The following RALYL variants were observed in gnomAD, a reference collection of about 807,000 sequenced individuals.
RALYL encodes RALY RNA binding protein like, also known as RNA-binding Raly-like protein.
RALYL carries 29 observed loss-of-function variants against 35.1 expected under a neutral mutation model. The observed-to-expected ratio is 0.83, with a 90% CI of 0.61 to 1.13. The LOEUF is 1.13. Ranked by LOEUF, RALYL falls within the 50% of genes most tolerant of loss-of-function variation. The probability of loss-of-function intolerance (pLI) is 0.00; values close to 1 mark genes in which losing one functional copy is unlikely to be tolerated. For missense variants in RALYL, 359 were observed against 360.4 expected, an observed-to-expected ratio of 1.00 and a Z score of 0.03; for synonymous variants, 120 against 127.6, an observed-to-expected ratio of 0.94 and a Z score of 0.40.
At chr8:84,833,853 A>G (rs1831417899) in intron 4 of RALYL, among the ~76,000 whole-genome samples, 1 of 151,770 alleles carries the variant, frequency 6.6e-6, no homozygotes, top group African/African-American at 2.4e-5. Flanking sequence ...AGAATTTTGA[A>G]GACAATGAAA....
In RALYL at chr8:84,743,683, C is replaced by T. The variant is rs181325139; in HGVS notation, c.257-30896C>T. 2.6e-5 allele frequency among the ~76,000 whole-genome samples: 4 copies of T among 151,958 alleles called. No homozygotes were observed. The East Asian group carries it at 7.7e-4, about 29-fold the overall frequency. On this transcript the variant is annotated intron_variant, in intron 2 of 8. Coordinates refer to ENST00000521268, the MANE Select transcript of RALYL (RefSeq NM_173848.7). ...CTTAACATGCTACAACAAAAAGGCA[C>T]AAGACAATGTCTAGAAATTAATATG...
chr8:84,862,711 T>C (rs1838369854), intron 6 of RALYL, among the ~76,000 whole-genome samples: 1 of 152,232 alleles, frequency 6.6e-6, no homozygotes, highest in Non-Finnish European at 1.5e-5. Flanking sequence ...CAAATAACAC[T>C]GTGCTCTTGG....
At chr8:84,536,445 A>G (rs550309242) in intron 2 of RALYL, among the ~76,000 whole-genome samples, 8 of 152,336 alleles carry the variant, frequency 5.3e-5, no homozygotes, top group Admixed American at 1.3e-4. Context: ...CACTTTGGTA[A>G]GTATTATTCT....
chr8:84,775,513 C>G (rs891983526), intron 3 of RALYL, among the ~76,000 whole-genome samples: 4 of 152,148 alleles, frequency 2.6e-5, no homozygotes, highest in Admixed American at 2.6e-4. Context: ...ACATGTTTCT[C>G]TCATGACCAT....
chr8:84,540,907 AG>A (rs2059977243), intron 2 of RALYL, among the ~76,000 whole-genome samples: 1 of 152,056 alleles, frequency 6.6e-6, no homozygotes, highest in South Asian at 2.1e-4. Flanking sequence ...TTCAAAAAAA[AG>A]TGTACATTTG....
chr8:84,198,432 C>T (rs1307303045), intron 1 of RALYL, among the ~76,000 whole-genome samples: 1 of 152,054 alleles, frequency 6.6e-6, no homozygotes, highest in Non-Finnish European at 1.5e-5. Flanking sequence ...TGTTTTGATA[C>T]AGGCCGGCAA....
Position 84,202,466 on chromosome 8 carries a change from G to A in RALYL, c.-24+18042G>A, listed in dbSNP as rs112845380. ...TGGCTCACTGCAACCTCCGCCTCCC[G>A]GGTTCAAGCAATTCTCTGCCTCAGC... is the stretch of plus-strand genomic sequence containing the variant. On this transcript the variant is annotated intron_variant, in intron 1 of 8. Coordinates refer to ENST00000521268, the MANE Select transcript of RALYL (RefSeq NM_173848.7). 8.7e-5 allele frequency among the ~76,000 whole-genome samples: 13 copies of A among 148,900 alleles called. No individual in the cohort carries two copies. In the East Asian group the frequency reaches 1.4e-3, roughly 16 times the overall value.
chr8:84,759,400 C>A (rs184548965), intron 2 of RALYL, among the ~76,000 whole-genome samples: 8 of 152,232 alleles, frequency 5.3e-5, no homozygotes, highest in African/African-American at 1.9e-4. Flanking sequence ...CCAGTCCTTT[C>A]AGAATATTTA....
intron 8 of RALYL, among the ~76,000 whole-genome samples, chr8:84,891,443 G>A (rs951549542): frequency 6.6e-5 from 10 of 152,280 alleles, no homozygotes; most frequent in African/African-American, 1.9e-4. Flanking sequence ...GGAGCAATAT[G>A]TCTGAAAGAG....
At chr8:84,831,847 A>T (rs1400449998) in intron 4 of RALYL, among the ~76,000 whole-genome samples, 1 of 152,168 alleles carries the variant, frequency 6.6e-6, no homozygotes, top group African/African-American at 2.4e-5. Flanking sequence ...GGTGCAAATC[A>T]GTTCTTTTTT....
intron 2 of RALYL, among the ~76,000 whole-genome samples, chr8:84,686,050 C>T (rs182104694): frequency 6.6e-6 from 1 of 152,168 alleles, no homozygotes; most frequent in Non-Finnish European, 1.5e-5. Context: ...AGCTTGGACA[C>T]AGCTGGTGCA....
chr8:84,358,223 A>G (rs905516195), intron 1 of RALYL, among the ~76,000 whole-genome samples: 1 of 152,090 alleles, frequency 6.6e-6, no homozygotes, highest in East Asian at 1.9e-4. Context: ...TGAAATACCA[A>G]GTCATGGTCA....
chr8:84,395,922 TA>T (rs1246125221), intron 1 of RALYL, among the ~76,000 whole-genome samples: 1 of 152,010 alleles, frequency 6.6e-6, no homozygotes, highest in Non-Finnish European at 1.5e-5. Context: ...GTCTTGCTTC[TA>T]GGATAAGAAT....
At chr8:84,721,618 G>A (rs1294774213) in intron 2 of RALYL, among the ~76,000 whole-genome samples, 1 of 152,014 alleles carries the variant, frequency 6.6e-6, no homozygotes, top group Non-Finnish European at 1.5e-5. Flanking sequence ...TCAGTTAGAG[G>A]AACAAATTGT....
At chr8:84,604,841 T>C (rs1361913411) in intron 2 of RALYL, among the ~76,000 whole-genome samples, 2 of 152,128 alleles carry the variant, frequency 1.3e-5, no homozygotes, top group Non-Finnish European at 2.9e-5. Flanking sequence ...TTATATGTGA[T>C]AGATGAAGGA....
intron 1 of RALYL, among the ~76,000 whole-genome samples, chr8:84,505,481 T>C (rs2057088446): frequency 6.6e-6 from 1 of 152,110 alleles, no homozygotes; most frequent in African/African-American, 2.4e-5. Flanking sequence ...TTTTGTTGGT[T>C]AAAAATATTT....
At chr8:84,478,805 G>A (rs983515211) in intron 1 of RALYL, among the ~76,000 whole-genome samples, 33 of 151,676 alleles carry the variant, frequency 2.2e-4, no homozygotes, top group African/African-American at 7.7e-4. Flanking sequence ...TCAATACACA[G>A]GCTGGGCGCA....
At chr8:84,553,503 T>C (rs375855567) in intron 2 of RALYL, among the ~76,000 whole-genome samples, 1 of 152,206 alleles carries the variant, frequency 6.6e-6, no homozygotes. Context: ...GTCAATGGCA[T>C]GTACTGGTGC....
chr8:84,791,896 A>G (rs1388122804), intron 3 of RALYL, among the ~76,000 whole-genome samples: 8 of 152,098 alleles, frequency 5.3e-5, no homozygotes, highest in Admixed American at 3.9e-4. Flanking sequence ...GAAACAGGAG[A>G]GTTCCCTGTT....
Sources: allele counts gnomAD v4.1 joint callset (sites outside exome capture counted in the v4.1 genomes callset), GRCh38; gene constraint gnomAD v4.1.1; transcripts MANE v1.5; gene names NCBI Gene and HGNC (gene_info 2026-07-23, HGNC 2026-07-21).